Variants in FOXP4 observed in about 807,000 individuals in gnomAD.
The protein encoded by FOXP4 is forkhead box P4.
FOXP4 carries 25 observed loss-of-function variants against 82.6 expected under a neutral mutation model. The ratio of observed to expected loss-of-function variants is 0.30; its 90% CI spans 0.22 to 0.42. FOXP4 has a LOEUF of 0.42. FOXP4 is among the 10% of genes least tolerant of loss of function. FOXP4 has a pLI of 1.00. For missense variants in FOXP4, 785 were observed against 900.9 expected (o/e 0.87, Z 1.65); for synonymous variants, 415 against 388.2 (o/e 1.07, Z -0.81).
At chr6:41,597,002 C>T (rs997967089) in intron 14 of FOXP4, among the ~76,000 whole-genome samples, 174 bp from the exon 15 acceptor site, 21 of 152,132 alleles carry the variant, frequency 1.4e-4, no homozygotes, top group African/African-American at 4.3e-4. Flanking sequence ...GCGTGAAGAC[C>T]GAATCAGACC....
intron 1 of FOXP4, among the ~76,000 whole-genome samples, chr6:41,562,275 T>TG (rs1308823553): frequency 6.6e-6 from 1 of 152,116 alleles, no homozygotes; most frequent in African/African-American, 2.4e-5. Context: ...TGTGTGTCAG[T>TG]GGGGTAAAGA....
At chr6:41,596,904 C>T (rs1766871203) in intron 14 of FOXP4, among the ~76,000 whole-genome samples, 2 of 152,162 alleles carry the variant, frequency 1.3e-5, no homozygotes, top group South Asian at 2.1e-4. Context: ...TGCCAGTTCC[C>T]ACTTCCCAGC....
intron 4 of FOXP4, 89 bp from the exon 5 acceptor site, chr6:41,585,342 C>T (rs2127388595): frequency 1.5e-6 from 2 of 1,341,352 alleles, no homozygotes; most frequent in East Asian, 4.8e-5. Context: ...AAACTCCCTT[C>T]TCCTGCCCCC....
chr6:41,589,632 G>C lies in FOXP4; in HGVS notation c.1066-139G>C, dbSNP rs576549883. On this transcript the variant is annotated intron_variant, in intron 9 of 16. Coordinates refer to ENST00000307972, the MANE Select transcript of FOXP4 (RefSeq NM_001012426.2). ...GCCTCCCTGGAGCGGGTCACAGAGG[G>C]AGCATGGATGCTGAGGCAAGGAGGC... 753 of 809,572 alleles carry C rather than the reference G, an allele frequency of 9.3e-4. 2 individuals carry two copies. Among genetic ancestry groups the C allele is most frequent in the Non-Finnish European group, 1.2e-3 (627 of 506,004 alleles). The allele number at this position is 809,572 out of a possible 1,614,324, so 50.1% of individuals were successfully genotyped here.
rs570046466 is a variant in FOXP4, at chr6:41,558,759, C to T, written c.-16-6986C>T. On this transcript the variant is annotated intron_variant, in intron 1 of 16. Transcript: ENST00000307972. This position sits in a 1 kb window ranked among gnomAD's most constrained non-coding sequence, Gnocchi z 4.0. ...TGGGGCCAGGGCTGAATGGGGGAGG[C>T]TGGTCCCTGGGACTTTGGATTGGGA... Among the ~76,000 whole-genome samples, 12 of 152,294 alleles carry T rather than the reference C, an allele frequency of 7.9e-5. No homozygotes were observed. The highest frequency in any genetic ancestry group is 2.9e-4 in the African/African-American group (12 of 41,560).
chr6:41,574,634 G>C (rs992543109), intron 2 of FOXP4, among the ~76,000 whole-genome samples: 5 of 152,172 alleles, frequency 3.3e-5, no homozygotes, highest in Non-Finnish European at 7.4e-5. Flanking sequence ...AGTCTGGTTG[G>C]CATATTCAAA....
chr6:41,595,749 C>T (rs1050516422), intron 14 of FOXP4, among the ~76,000 whole-genome samples: 23 of 152,028 alleles, frequency 1.5e-4, no homozygotes, highest in Admixed American at 3.9e-4. Context: ...ATTACAGGTG[C>T]CCACGACCAC....
intron 1 of FOXP4, among the ~76,000 whole-genome samples, chr6:41,553,159 A>G (rs1335389884): frequency 6.6e-6 from 1 of 152,164 alleles, no homozygotes; most frequent in Non-Finnish European, 1.5e-5. Flanking sequence ...ACTATGACCC[A>G]TGCAAGTCTC....
chr6:41,591,472 C>T lies in FOXP4; in HGVS notation c.1536+150C>T, dbSNP rs915949586. 8.9e-6 allele frequency: 6 copies of T among 675,468 alleles called. No individual in the cohort carries two copies. Among genetic ancestry groups the T allele is most frequent in the African/African-American group, 1.8e-5 (1 of 56,378 alleles). 41.8% of individuals were successfully genotyped at this position (675,468 alleles called of 1,614,324 possible). Reference sequence around the variant, plus strand: ...GGGCCCAGCCAGGGCTGCATGCCCACGCCCACCTCAGCAGGGGCTGTGGAT... The same window carrying T: ...GGGCCCAGCCAGGGCTGCATGCCCATGCCCACCTCAGCAGGGGCTGTGGAT... On this transcript the variant is annotated intron_variant, in intron 13 of 16. Coordinates refer to ENST00000307972, the MANE Select transcript of FOXP4 (RefSeq NM_001012426.2). The surrounding 1 kb of genome is among the most constrained non-coding windows in gnomAD (Gnocchi z 4.2).
intron 1 of FOXP4, among the ~76,000 whole-genome samples, chr6:41,557,189 A>G (rs556507162): frequency 6.6e-6 from 1 of 152,308 alleles, no homozygotes; most frequent in South Asian, 2.1e-4. Flanking sequence ...CAAATGCCTT[A>G]TTCAGGCTCT....
At chr6:41,576,215 G>C (rs969655393) in intron 2 of FOXP4, among the ~76,000 whole-genome samples, 2 of 152,162 alleles carry the variant, frequency 1.3e-5, no homozygotes, top group Non-Finnish European at 2.9e-5. Flanking sequence ...TGGGGTGGGG[G>C]TGGCCTGTGA....
chr6:41,563,613 C>T (rs1444145267), intron 1 of FOXP4, among the ~76,000 whole-genome samples: 1 of 152,148 alleles, frequency 6.6e-6, no homozygotes, highest in Admixed American at 6.5e-5. Context: ...CAATCTGGGC[C>T]AAGTCCTTGA....
chr6:41,582,725 G>A (rs545013576), intron 3 of FOXP4, among the ~76,000 whole-genome samples: 33 of 128,452 alleles, frequency 2.6e-4, no homozygotes, highest in African/African-American at 9.5e-4. Context: ...CCAACCCCAG[G>A]CCCACCACAT....
intron 2 of FOXP4, among the ~76,000 whole-genome samples, chr6:41,567,458 AT>A (rs1467456034): frequency 2.6e-5 from 4 of 152,190 alleles, no homozygotes; most frequent in African/African-American, 9.7e-5. Flanking sequence ...AGTCTGTGCC[AT>A]TTGCTGGGGA....
At chr6:41,548,845 T>C (rs934361913) in intron 1 of FOXP4, among the ~76,000 whole-genome samples, 8 of 94,706 alleles carry the variant, frequency 8.4e-5, no homozygotes, top group Non-Finnish European at 1.4e-4. Flanking sequence ...TTTTTTTTTT[T>C]CAACTTGAGA....
rs12212443 is a variant in FOXP4 at position 41,552,614 on chromosome 6, G to C, written c.-17+5747G>C. On this transcript the variant is annotated intron_variant, in intron 1 of 16. Coordinates refer to ENST00000307972, the MANE Select transcript of FOXP4 (RefSeq NM_001012426.2). ...AGCGCATCAGTTCCAGTTGCTGGAA[G>C]CTCCTGCATGTCTGAGACCTGAGCA... Among the ~76,000 whole-genome samples, 1,229 of 152,312 alleles carry C rather than the reference G, an allele frequency of 8.1e-3. 9 individuals are homozygous for C. The highest frequency in any genetic ancestry group is 0.019 in the South Asian group (94 of 4,826).
chr6:41,547,047 T>C (rs1763669694), intron 1 of FOXP4, among the ~76,000 whole-genome samples, 180 bp downstream of exon 1: 1 of 151,540 alleles, frequency 6.6e-6, no homozygotes, highest in Non-Finnish European at 1.5e-5. Flanking sequence ...GCGCACTTTG[T>C]TCCAGCCAGG....
chr6:41,568,661 A>G (rs536481749), intron 2 of FOXP4, among the ~76,000 whole-genome samples: 1 of 148,266 alleles, frequency 6.7e-6, no homozygotes, highest in Admixed American at 6.7e-5. Flanking sequence ...GGGTCTGTGG[A>G]CCACACGCTG....
At chr6:41,552,546 C>T (rs1051360987) in intron 1 of FOXP4, among the ~76,000 whole-genome samples, 4 of 152,164 alleles carry the variant, frequency 2.6e-5, no homozygotes, top group East Asian at 1.9e-4. Flanking sequence ...GCTGAGCGCT[C>T]GCTTTGGATT....
Sources: gnomAD v4.1 joint callset for allele counts (sites outside exome capture counted in the v4.1 genomes callset) on GRCh38, gnomAD v4.1.1 for gene constraint, Gnocchi (gnomAD v3.1) non-coding constraint, MANE v1.5 for transcripts, NCBI Gene and HGNC (gene_info 2026-07-23, HGNC 2026-07-21) for gene names.